DOCK3: variants seen among roughly 807,000 people sequenced by gnomAD.
DOCK3 encodes dedicator of cytokinesis 3, also known as dedicator of cytokinesis protein 3.
In DOCK3, 60 loss-of-function variants were observed where a neutral mutation model predicts 265.6. That is an observed-to-expected ratio of 0.23 (90% CI 0.18 to 0.28). The LOEUF is 0.28. Among genes scored for constraint, DOCK3 ranks in the 10% least tolerant of loss-of-function variants. The pLI, the probability that DOCK3 is intolerant of heterozygous loss-of-function variation, is 1.00. For synonymous variants in DOCK3, 881 were observed against 938.0 expected, an observed-to-expected ratio of 0.94 and a Z score of 1.11; for missense variants, 1,981 against 2,594.3, an observed-to-expected ratio of 0.76 and a Z score of 5.14.
intron 7 of DOCK3, among the ~76,000 whole-genome samples, chr3:51,081,787 T>G (rs2109442937): frequency 6.6e-6 from 1 of 151,066 alleles, no homozygotes; most frequent in Non-Finnish European, 1.5e-5. Context: ...TCCCAGCTAC[T>G]CGGGAGGCTG....
At chr3:50,939,605 T>C (rs1473373257) in intron 5 of DOCK3, among the ~76,000 whole-genome samples, 2 of 152,144 alleles carry the variant, frequency 1.3e-5, no homozygotes, top group East Asian at 3.8e-4. Context: ...ATCCATTATA[T>C]TAACATTCTA....
At chr3:51,010,066 A>G (rs967140648) in intron 5 of DOCK3, among the ~76,000 whole-genome samples, 10 of 152,188 alleles carry the variant, frequency 6.6e-5, no homozygotes, top group African/African-American at 9.7e-5. Flanking sequence ...AATAAGTGCA[A>G]TGTGGTGCTG....
intron 1 of DOCK3, among the ~76,000 whole-genome samples, chr3:50,753,763 A>G (rs1183235642): frequency 6.6e-6 from 1 of 152,148 alleles, no homozygotes; most frequent in Non-Finnish European, 1.5e-5. Flanking sequence ...CTATGTTATT[A>G]TATTGCAAAT....
intron 12 of DOCK3, among the ~76,000 whole-genome samples, chr3:51,170,190 A>T (rs2086605819): frequency 6.6e-6 from 1 of 152,204 alleles, no homozygotes; most frequent in Admixed American, 6.5e-5. Flanking sequence ...AGTCCCAAGC[A>T]TTTTAGATAA....
At chr3:50,730,444 CACAA>C (rs2108113262) in intron 1 of DOCK3, among the ~76,000 whole-genome samples, 1 of 152,250 alleles carries the variant, frequency 6.6e-6, no homozygotes, top group East Asian at 1.9e-4. Flanking sequence ...TGCCCGGCTG[CACAA>C]ACACTTTCAG....
intron 5 of DOCK3, among the ~76,000 whole-genome samples, chr3:50,990,638 G>A (rs993926336): frequency 2.6e-5 from 4 of 152,178 alleles, no homozygotes; most frequent in African/African-American, 9.7e-5. Context: ...TAACTCACAT[G>A]ATCACAAGGT....
At chr3:51,159,789 A>G (rs1657768367) in intron 11 of DOCK3, among the ~76,000 whole-genome samples, 1 of 152,164 alleles carries the variant, frequency 6.6e-6, no homozygotes, top group African/African-American at 2.4e-5. Context: ...ACCCCACCCA[A>G]GATGAAAAAG....
chr3:50,819,069 A>G (rs939737151), intron 2 of DOCK3, among the ~76,000 whole-genome samples: 1 of 152,190 alleles, frequency 6.6e-6, no homozygotes, highest in South Asian at 2.1e-4. Context: ...CAGTGATCCA[A>G]ACTGCATGAG....
intron 9 of DOCK3, among the ~76,000 whole-genome samples, chr3:51,113,437 C>T (rs1169486576): frequency 6.6e-6 from 1 of 152,180 alleles, no homozygotes; most frequent in Non-Finnish European, 1.5e-5. Context: ...CAGTAATCTA[C>T]TGGTATTGGC....
At chr3:51,342,402 C>A (rs1395583741) in intron 38 of DOCK3, among the ~76,000 whole-genome samples, 2 of 152,208 alleles carry the variant, frequency 1.3e-5, no homozygotes, top group Non-Finnish European at 2.9e-5. Flanking sequence ...TGCAACTGAT[C>A]CACAATGCTG....
intron 1 of DOCK3, among the ~76,000 whole-genome samples, chr3:50,777,453 A>G (rs1576405438): frequency 6.6e-6 from 1 of 152,118 alleles, no homozygotes; most frequent in Non-Finnish European, 1.5e-5. Context: ...GGGAAAAATG[A>G]TGATGATATT....
At chr3:50,893,947 G>T (rs2048766412) in intron 4 of DOCK3, among the ~76,000 whole-genome samples, 1 of 137,206 alleles carries the variant, frequency 7.3e-6, no homozygotes, top group South Asian at 2.4e-4. Context: ...CACAGGAAGG[G>T]GAACATCACA....
intron 1 of DOCK3, among the ~76,000 whole-genome samples, chr3:50,776,759 G>A (rs2041624858): frequency 6.6e-6 from 1 of 152,100 alleles, no homozygotes; most frequent in South Asian, 2.1e-4. Context: ...TATAGTGATA[G>A]ATGGGGACCC....
rs1051238025 is a variant in DOCK3, at chr3:51,357,221, T to C, written c.4683+80T>C. ...TCACAGGCTTCTCTTTTCAAGATTA[T>C]AGTCTCCTTAGGTAGCCTTCCCTAC... On this transcript the variant is annotated intron_variant, in intron 44 of 52. Transcript: ENST00000266037. 4.0e-6 allele frequency: 6 copies of C among 1,498,012 alleles called. No homozygotes were observed. In the African/African-American group the frequency reaches 5.6e-5, roughly 14 times the overall value. 92.8% of individuals were successfully genotyped at this position (1,498,012 alleles called of 1,614,324 possible). A position where few individuals can be genotyped will look rare whatever the true frequency, so the allele number is the denominator to read the frequency against.
chr3:50,979,415 C>T (rs2077610656), intron 5 of DOCK3, among the ~76,000 whole-genome samples: 1 of 152,128 alleles, frequency 6.6e-6, no homozygotes, highest in Admixed American at 6.6e-5. Flanking sequence ...GGGGGTGGAT[C>T]TCTCATGAAT....
At chr3:50,757,753 G>A (rs557115220) in intron 1 of DOCK3, among the ~76,000 whole-genome samples, 1 of 151,904 alleles carries the variant, frequency 6.6e-6, no homozygotes, top group Non-Finnish European at 1.5e-5. Context: ...TTACATTTAG[G>A]TTTAAACTTT....
At chr3:50,919,281 G>A (rs1034039430) in intron 4 of DOCK3, among the ~76,000 whole-genome samples, 42 of 152,032 alleles carry the variant, frequency 2.8e-4, no homozygotes, top group African/African-American at 8.4e-4. Flanking sequence ...GTTTTTTCCA[G>A]TTCTGTGAAG....
chr3:51,184,819 CT>C (rs2087502951), intron 12 of DOCK3, among the ~76,000 whole-genome samples: 1 of 152,098 alleles, frequency 6.6e-6, no homozygotes, highest in Non-Finnish European at 1.5e-5. Context: ...GTGAAGAAAC[CT>C]GACAAGCACT....
At chr3:50,965,520 A>G (rs541359066) in intron 5 of DOCK3, among the ~76,000 whole-genome samples, 4 of 152,240 alleles carry the variant, frequency 2.6e-5, no homozygotes, top group Admixed American at 1.3e-4. Context: ...TATGCCAATA[A>G]ATTTGACGAA....
Sources: allele counts gnomAD v4.1 joint callset (sites outside exome capture counted in the v4.1 genomes callset), GRCh38; gene constraint gnomAD v4.1.1; transcripts MANE v1.5; gene names NCBI Gene and HGNC (gene_info 2026-07-23, HGNC 2026-07-21).